Variants in SUCLA2 observed in about 807,000 individuals in gnomAD.
SUCLA2 encodes succinate-CoA ligase ADP-forming subunit beta.
Under a neutral mutation model 54.8 loss-of-function variants are expected in SUCLA2, and 30 were observed. That is an observed-to-expected ratio of 0.55 (90% CI 0.41 to 0.74). SUCLA2 has a LOEUF of 0.74. Among genes scored for constraint, SUCLA2 ranks in the 30% least tolerant of loss-of-function variants. The pLI is 0.00. For missense variants in SUCLA2, 476 were observed against 562.9 expected (o/e 0.85, Z 1.56); for synonymous variants, 172 against 188.9 (o/e 0.91, Z 0.74).
chr13:47,948,551 C>T (rs2137686921), intron 10 of SUCLA2, among the ~76,000 whole-genome samples: 1 of 152,238 alleles, frequency 6.6e-6, no homozygotes, highest in South Asian at 2.1e-4. Context: ...CTGCATAGTC[C>T]AATTTTACCA....
intron 10 of SUCLA2, among the ~76,000 whole-genome samples, chr13:47,946,803 T>C (rs1465887411): frequency 6.6e-6 from 1 of 151,688 alleles, no homozygotes; most frequent in East Asian, 1.9e-4. Context: ...ACAAAGCAAA[T>C]GAATAATTAT....
At chr13:47,964,595 A>T (rs9567965) in intron 6 of SUCLA2, among the ~76,000 whole-genome samples, 22 of 152,066 alleles carry the variant, frequency 1.4e-4, no homozygotes, top group Admixed American at 9.8e-4. Flanking sequence ...TGGTGGCTCA[A>T]GCCTGTAATC....
chr13:47,979,166 T>C (rs1377114334), intron 4 of SUCLA2, among the ~76,000 whole-genome samples: 1 of 152,148 alleles, frequency 6.6e-6, no homozygotes, highest in Non-Finnish European at 1.5e-5. Flanking sequence ...CATTACTGAG[T>C]ATATACCCAA....
chr13:47,969,692 A>G (rs1231463530), intron 5 of SUCLA2, among the ~76,000 whole-genome samples: 1 of 152,176 alleles, frequency 6.6e-6, no homozygotes, highest in Non-Finnish European at 1.5e-5. Context: ...TTCAGTTGCT[A>G]TCTAAGGTTG....
At chr13:47,987,088 A>G (rs1282287933) in intron 4 of SUCLA2, among the ~76,000 whole-genome samples, 3 of 152,234 alleles carry the variant, frequency 2.0e-5, no homozygotes, top group Non-Finnish European at 4.4e-5. Flanking sequence ...ATAACCACGT[A>G]TTATTAGTAA....
At chr13:47,997,710 G>C (rs1383853451) in intron 1 of SUCLA2, among the ~76,000 whole-genome samples, 1 of 152,126 alleles carries the variant, frequency 6.6e-6, no homozygotes, top group Non-Finnish European at 1.5e-5. Context: ...TGTTATCCAC[G>C]CATTTCCATA....
In SUCLA2 at chr13:47,975,970, G is replaced by A. The variant is rs189418243; in HGVS notation, c.535-2578C>T. ...GATTCAATCAGTGATACCCAGGCTG[G>A]GTGTGGTGGCTCACATCTGTAATCC... On this transcript the variant is annotated intron_variant, in intron 4 of 10. Coordinates refer to ENST00000646932, the MANE Select transcript of SUCLA2 (RefSeq NM_003850.3). Among the ~76,000 whole-genome samples, 20 of 152,312 alleles carry A rather than the reference G, an allele frequency of 1.3e-4. No homozygotes were observed. The East Asian group carries it at 2.3e-3, about 18-fold the overall frequency.
Position 47,954,567 on chromosome 13 carries a change from G to GA in SUCLA2, c.803-11dup. On this transcript the variant is annotated splice_polypyrimidine_tract_variant and intron_variant, in intron 6 of 10. Transcript: ENST00000646932. ...GCATCCATACACAATACTTTGAAGGGAAAAAGAGAAAAATGACCTTAATTT... is the reference window on the plus strand; with the variant it reads ...GCATCCATACACAATACTTTGAAGGGAAAAAAGAGAAAAATGACCTTAATTT... 6.2e-7 allele frequency: 1 copy of GA among 1,611,504 alleles called. No individual in the cohort carries two copies. Among genetic ancestry groups the GA allele is most frequent in the Non-Finnish European group, 8.5e-7 (1 of 1,178,516 alleles).
chr13:47,949,289 A>G (rs1949758380), intron 9 of SUCLA2, among the ~76,000 whole-genome samples, 194 bp downstream of exon 9: 1 of 152,250 alleles, frequency 6.6e-6, no homozygotes, highest in Admixed American at 6.5e-5. Context: ...AAAGTGTATC[A>G]AATTATACCA....
chr13:47,943,245 T>A lies in SUCLA2; in HGVS notation c.*126A>T. ...AATGCAGTCCAAATCCTTTTAAATG[T>A]TTGTGTGCCTAGATGGCAATTACAA... On this transcript the variant is annotated 3_prime_UTR_variant, in exon 11 of 11. Coordinates refer to ENST00000646932, the MANE Select transcript of SUCLA2 (RefSeq NM_003850.3). 1.1e-6 allele frequency: 1 copy of A among 933,804 alleles called. No homozygotes were observed. Among genetic ancestry groups the A allele is most frequent in the South Asian group, 1.3e-5 (1 of 76,450 alleles). The allele number at this position is 933,804 out of a possible 1,614,324, so 57.8% of individuals were successfully genotyped here. A position where few individuals can be genotyped will look rare whatever the true frequency, so the allele number is the denominator to read the frequency against.
intron 6 of SUCLA2, among the ~76,000 whole-genome samples, chr13:47,966,718 T>A (rs1216185370): frequency 2.7e-4 from 40 of 145,756 alleles, no homozygotes; most frequent in Non-Finnish European, 2.4e-4. Context: ...TTTCTTTAAA[T>A]AAAAAAAAAA....
At chr13:47,948,367 G>A (rs1949750834) in intron 10 of SUCLA2, among the ~76,000 whole-genome samples, 1 of 151,754 alleles carries the variant, frequency 6.6e-6, no homozygotes, top group Non-Finnish European at 1.5e-5. Flanking sequence ...ATGCGTGCAT[G>A]TGTGTGTGCG....
chr13:47,945,181 G>A (rs1300995322), intron 10 of SUCLA2, among the ~76,000 whole-genome samples: 1 of 146,458 alleles, frequency 6.8e-6, no homozygotes, highest in African/African-American at 2.5e-5. Context: ...CCTGGGAGAT[G>A]GAGGTTGCAG....
At chr13:47,976,910 C>A (rs1394028907) in intron 4 of SUCLA2, among the ~76,000 whole-genome samples, 1 of 149,878 alleles carries the variant, frequency 6.7e-6, no homozygotes, top group Non-Finnish European at 1.5e-5. Flanking sequence ...ATTTATACCA[C>A]AAGAAACTAG....
At chr13:47,973,509 T>G in intron 4 of SUCLA2, 117 bp from the exon 5 acceptor site, 1 of 1,206,914 alleles carries the variant, frequency 8.3e-7, no homozygotes, top group South Asian at 1.3e-5. Context: ...CTACCCACAT[T>G]TTAAAATTTT....
At chr13:47,973,633 T>C (rs781032304) in intron 4 of SUCLA2, among the ~76,000 whole-genome samples, 60 of 151,672 alleles carry the variant, frequency 4.0e-4, no homozygotes, top group Admixed American at 5.3e-4. Flanking sequence ...GCAAGGAAAA[T>C]AGATTTAAAA....
intron 2 of SUCLA2, 49 bp from the exon 3 acceptor site, chr13:47,989,030 A>G (rs1350527772): frequency 6.5e-7 from 1 of 1,532,168 alleles, no homozygotes; most frequent in Admixed American, 1.7e-5. Context: ...GCAGCATGCC[A>G]GACATAGTAT....
At chr13:47,949,302 C>A (rs1275781628) in intron 9 of SUCLA2, among the ~76,000 whole-genome samples, 181 bp downstream of exon 9, 1 of 152,050 alleles carries the variant, frequency 6.6e-6, no homozygotes, top group African/African-American at 2.4e-5. Flanking sequence ...TTATACCAAG[C>A]AAAAGTATAA....
chr13:47,996,050 G>A (rs1027399216), intron 2 of SUCLA2, among the ~76,000 whole-genome samples: 1 of 152,104 alleles, frequency 6.6e-6, no homozygotes, highest in Non-Finnish European at 1.5e-5. Flanking sequence ...CGGGCTGTAT[G>A]TGGTGGCTCA....
Sources: gnomAD v4.1 joint callset for allele counts (sites outside exome capture counted in the v4.1 genomes callset) on GRCh38, gnomAD v4.1.1 for gene constraint, MANE v1.5 for transcripts, NCBI Gene and HGNC (gene_info 2026-07-23, HGNC 2026-07-21) for gene names.